The following CORO2B variants were observed in gnomAD, a reference collection of about 807,000 sequenced individuals.
CORO2B encodes the protein coronin 2B.
In CORO2B, 26 loss-of-function variants were observed where a neutral mutation model predicts 58.8. The ratio of observed to expected loss-of-function variants is 0.44; its 90% CI spans 0.32 to 0.61. The LOEUF is 0.61. Among genes scored for constraint, CORO2B ranks in the 20% least tolerant of loss-of-function variants. The probability of loss-of-function intolerance (pLI) is 0.04; values close to 1 mark genes in which losing one functional copy is unlikely to be tolerated. For synonymous variants in CORO2B, 242 were observed against 253.8 expected (o/e 0.95, Z 0.44); for missense variants, 460 against 645.1 (o/e 0.71, Z 3.11).
chr15:68,610,566 C>A (rs768242495), intron 1 of CORO2B, among the ~76,000 whole-genome samples: 1 of 152,108 alleles, frequency 6.6e-6, no homozygotes, highest in South Asian at 2.1e-4. Context: ...CATCACAAAG[C>A]CCCTCCTCCA....
At chr15:68,697,516 G>A (rs1345510740) in intron 3 of CORO2B, among the ~76,000 whole-genome samples, 1 of 152,194 alleles carries the variant, frequency 6.6e-6, no homozygotes, top group Admixed American at 6.5e-5. Context: ...TGGGAGAGTG[G>A]TGAGGAGGTG....
chr15:68,685,163 T>C (rs1902921607), intron 2 of CORO2B, among the ~76,000 whole-genome samples: 1 of 152,240 alleles, frequency 6.6e-6, no homozygotes, highest in Non-Finnish European at 1.5e-5. Flanking sequence ...TCCTATTTGC[T>C]TTACCTGTGG....
At chr15:68,647,885 C>T (rs1167238300) in intron 2 of CORO2B, among the ~76,000 whole-genome samples, 2 of 151,042 alleles carry the variant, frequency 1.3e-5, no homozygotes, top group East Asian at 3.9e-4. Context: ...AAAAATTAGC[C>T]GAGCATGATG....
the CORO2B span, among the ~76,000 whole-genome samples, chr15:68,553,532 G>A: frequency 6.6e-6 from 1 of 152,188 alleles, no homozygotes; most frequent in Non-Finnish European, 1.5e-5. Context: ...CAACGCCTTG[G>A]TTTTAGCCCC....
chr15:68,669,731 A>G (rs144641244), intron 2 of CORO2B, among the ~76,000 whole-genome samples: 18 of 152,220 alleles, frequency 1.2e-4, no homozygotes, highest in African/African-American at 4.3e-4. Context: ...TAAAATAAAT[A>G]TATTTTTCTT....
At chr15:68,685,807 G>A (rs1208268549) in intron 2 of CORO2B, among the ~76,000 whole-genome samples, 15 of 152,166 alleles carry the variant, frequency 9.9e-5, no homozygotes, top group Admixed American at 7.9e-4. Flanking sequence ...TAACTGATAA[G>A]TTGATATTGC....
intron 2 of CORO2B, among the ~76,000 whole-genome samples, chr15:68,668,289 G>A (rs1438989673): frequency 1.3e-5 from 2 of 150,782 alleles, no homozygotes; most frequent in African/African-American, 4.9e-5. Context: ...GGAGGGGGGC[G>A]CTACAGGGGA....
At chr15:68,620,461 C>A (rs1883007131) in intron 1 of CORO2B, among the ~76,000 whole-genome samples, 1 of 152,198 alleles carries the variant, frequency 6.6e-6, no homozygotes, top group South Asian at 2.1e-4. Context: ...TCTTGTTTGA[C>A]AAATGACTAA....
At chr15:68,641,436 TGG>T (rs1364357915) in intron 1 of CORO2B, 5 of 738,620 alleles carry the variant, frequency 6.8e-6, no homozygotes, top group Non-Finnish European at 8.3e-6. Context: ...GCTGGGGATT[TGG>T]GGGAGAGAGG....
intron 1 of CORO2B, chr15:68,632,277 G>A: frequency 1.0e-6 from 1 of 985,474 alleles, no homozygotes; most frequent in Admixed American, 6.1e-5. Flanking sequence ...CAACTTGGAT[G>A]TGCAAAGAAG....
At chr15:68,627,077 G>A (rs575552584) in intron 1 of CORO2B, among the ~76,000 whole-genome samples, 3 of 152,270 alleles carry the variant, frequency 2.0e-5, no homozygotes, top group South Asian at 2.1e-4. Context: ...CTGTTTCTAC[G>A]CCTGCAAAAT....
intron 1 of CORO2B, among the ~76,000 whole-genome samples, chr15:68,579,632 G>C (rs946813755): frequency 1.3e-5 from 2 of 152,348 alleles, no homozygotes; most frequent in Admixed American, 1.3e-4. Context: ...GGCGGGAAGC[G>C]TCGCTGGCAG....
intron 2 of CORO2B, among the ~76,000 whole-genome samples, chr15:68,659,112 G>A (rs1253986160): frequency 2.6e-5 from 4 of 152,298 alleles, no homozygotes; most frequent in Admixed American, 6.5e-5. Context: ...TGCAGTGGAC[G>A]GTCTGCCTTT....
chr15:68,542,665 C>A, the CORO2B span, among the ~76,000 whole-genome samples: 2 of 152,242 alleles, frequency 1.3e-5, no homozygotes, highest in Admixed American at 6.5e-5. Context: ...TTCATCCCTG[C>A]AAGCAGGAAG....
chr15:68,532,512 A>T, the CORO2B span, among the ~76,000 whole-genome samples: 151 of 151,918 alleles, frequency 9.9e-4, no homozygotes, highest in African/African-American at 3.6e-3. Flanking sequence ...TATTTTTCCT[A>T]ATTGTGTTCC....
intron 2 of CORO2B, among the ~76,000 whole-genome samples, chr15:68,661,530 C>T (rs1166709577): frequency 1.3e-5 from 2 of 152,194 alleles, no homozygotes; most frequent in East Asian, 3.8e-4. Flanking sequence ...CCCTTCAAGA[C>T]TTGGGAGTTA....
At chr15:68,649,626 T>C (rs1488075082) in intron 2 of CORO2B, among the ~76,000 whole-genome samples, 1 of 152,232 alleles carries the variant, frequency 6.6e-6, no homozygotes. Context: ...ATAGTTAGCA[T>C]ATTCAAAATA....
At chr15:68,629,495 A>T (rs1468446233) in intron 1 of CORO2B, among the ~76,000 whole-genome samples, 1 of 152,200 alleles carries the variant, frequency 6.6e-6, no homozygotes, top group Non-Finnish European at 1.5e-5. Flanking sequence ...AGATTTACAG[A>T]GGCCAGACTA....
chr15:68,695,084 C>A, intron 2 of CORO2B, 56 bp from the exon 3 acceptor site: 2 of 1,393,146 alleles, frequency 1.4e-6, no homozygotes, highest in Non-Finnish European at 1.0e-6. Flanking sequence ...CATTCAAGGC[C>A]ACCCCAGGGC....
Sources: gnomAD v4.1 joint callset for allele counts (sites outside exome capture counted in the v4.1 genomes callset) on GRCh38, gnomAD v4.1.1 for gene constraint, MANE v1.5 for transcripts, NCBI Gene and HGNC (gene_info 2026-07-23, HGNC 2026-07-21) for gene names.